UPF1: variants seen among roughly 807,000 people sequenced by gnomAD.
UPF1 encodes UPF1 RNA helicase and ATPase, also known as regulator of nonsense transcripts 1.
In UPF1, 9 loss-of-function variants were observed where a neutral mutation model predicts 129.2. The observed-to-expected ratio is 0.07, with a 90% confidence interval of 0.04 to 0.12. UPF1 has a LOEUF of 0.12. UPF1 is among the 10% of genes least tolerant of loss of function. The pLI is 1.00. For synonymous variants in UPF1, 649 were observed against 644.9 expected (o/e 1.01, Z -0.10); for missense variants, 788 against 1,525.3 (o/e 0.52, Z 8.05).
Position 18,832,389 on chromosome 19 carries a change from AGGCCCGGGC to A in UPF1, c.184_192del (p.Pro62_Gly64del). The A allele has an allele frequency of 9.3e-7, 1 of 1,081,004 alleles. No homozygotes were observed. Among genetic ancestry groups the A allele is most frequent in the Non-Finnish European group, 1.1e-6 (1 of 890,428 alleles). The allele number at this position is 1,081,004 out of a possible 1,614,324, so 67.0% of individuals were successfully genotyped here. A position where few individuals can be genotyped will look rare whatever the true frequency, so the allele number is the denominator to read the frequency against. ...GCGGCCCGGGCGGTGGCGGCGCGGG[AGGCCCGGGC>A]GGCGCGGGCGCGGGCGCTGCGGCGG... On this transcript the variant is annotated inframe_deletion, in exon 1 of 24. Transcript: ENST00000262803. The surrounding 1 kb of genome is among the most constrained non-coding windows in gnomAD (Gnocchi z 5.6).
Position 18,860,309 on chromosome 19 carries a change from C to G in UPF1, c.2183-12C>G, listed in dbSNP as rs760966602. On this transcript the variant is annotated splice_polypyrimidine_tract_variant and intron_variant, in intron 15 of 23. Coordinates refer to ENST00000262803, the MANE Select transcript of UPF1 (RefSeq NM_002911.4). ...GGCTTTTGAAGTGTTACTTCTTTCC[C>G]TCCCCTCACAGCGGATCGTGTGAAG... is the stretch of plus-strand genomic sequence containing the variant. 1.9e-6 allele frequency: 3 copies of G among 1,613,430 alleles called. No homozygotes were observed. Among genetic ancestry groups the G allele is most frequent in the Non-Finnish European group, 2.5e-6 (3 of 1,179,564 alleles).
Position 18,865,480 on chromosome 19 carries a change from G to GC in UPF1, c.3019+33dup. On this transcript the variant is annotated intron_variant, in intron 21 of 23. Transcript: ENST00000262803. This position sits in a 1 kb window ranked among gnomAD's most constrained non-coding sequence, Gnocchi z 6.1. Reference sequence around the variant, plus strand: ...GCATCTGTGGCTGCGGCTGGGTGTGGCCCTCCTGAGAGCTCTTGAGGGTGT... The same window carrying GC: ...GCATCTGTGGCTGCGGCTGGGTGTGGCCCCTCCTGAGAGCTCTTGAGGGTGT... The GC allele has an allele frequency of 1.2e-6, 2 of 1,611,658 alleles. No homozygotes were observed.
intron 1 of UPF1, among the ~76,000 whole-genome samples, chr19:18,836,749 ATT>A (rs755282469): frequency 2.0e-4 from 26 of 129,446 alleles, no homozygotes; most frequent in Admixed American, 4.7e-4. Context: ...CTATCCACCC[ATT>A]TTTTTTTTTT....
rs920199702 is a variant in UPF1 at position 18,855,914 on chromosome 19, T to C, written c.1545-11T>C. The C allele has an allele frequency of 1.2e-6, 2 of 1,613,240 alleles. No homozygotes were observed. Among genetic ancestry groups the C allele is most frequent in the Non-Finnish European group, 1.7e-6 (2 of 1,179,858 alleles). On this transcript the variant is annotated splice_polypyrimidine_tract_variant and intron_variant, in intron 11 of 23. Coordinates refer to ENST00000262803, the MANE Select transcript of UPF1 (RefSeq NM_002911.4). Reference sequence around the variant, plus strand: ...CTGGGTAAGCACTGAGCTGCCCCAATGGTGTTGCAGGCCGGTGCTGGTGTG... The same window carrying C: ...CTGGGTAAGCACTGAGCTGCCCCAACGGTGTTGCAGGCCGGTGCTGGTGTG...
At chr19:18,864,986 C>T (rs1004988199) in intron 20 of UPF1, among the ~76,000 whole-genome samples, 3 of 152,164 alleles carry the variant, frequency 2.0e-5, no homozygotes, top group Non-Finnish European at 2.9e-5. Context: ...TGGTCCACCT[C>T]GGCTTCCCAG....
At position 18,866,083 on chromosome 19, in the gene UPF1, G is replaced by C; in HGVS notation, c.3277G>C (p.Val1093Leu). 1 of 1,613,322 alleles carries C rather than the reference G, an allele frequency of 6.2e-7. No individual in the cohort carries two copies. The highest frequency in any genetic ancestry group is 8.5e-7 in the Non-Finnish European group (1 of 1,179,864). The part of the protein sequence containing the change: ...LGDEFKSQID[V>L]ALSQDSTYQG... ...TGACGAGTTTAAATCACAAATCGAC[G>C]TGGCGCTCTCACAGGACTCCACGTA... Residue 1093 changes from valine to leucine, a missense_variant, in exon 23 of 24, where the codon GTG (valine) becomes CTG (leucine). By Grantham distance (32) the Val-to-Leu change is conservative. This residue lies in a region of UPF1 where 218 missense variants were observed against 318.1 expected (regional missense o/e 0.69). Transcript: ENST00000262803.
chr19:18,865,188 C>G lies in UPF1; in HGVS notation c.2858-101C>G, dbSNP rs2145974487. On this transcript the variant is annotated intron_variant, in intron 20 of 23. Transcript: ENST00000262803. The surrounding 1 kb of genome is among the most constrained non-coding windows in gnomAD (Gnocchi z 6.1). The stretch of plus-strand genomic sequence containing the variant: ...ATCTTCAGCCTGGGCAGAGCCAGGA[C>G]AGATGTGCAGCTCCGGCTGACTGGC... The G allele has an allele frequency of 1.4e-6, 2 of 1,395,276 alleles. No homozygotes were observed. The highest frequency in any genetic ancestry group is 1.9e-4 in the Middle Eastern group (1 of 5,360). The allele number at this position is 1,395,276 out of a possible 1,614,324, so 86.4% of individuals were successfully genotyped here. A position where few individuals can be genotyped will look rare whatever the true frequency, so the allele number is the denominator to read the frequency against.
chr19:18,863,651 AC>A (rs2055806790), intron 19 of UPF1, 39 bp downstream of exon 19: 2 of 1,529,648 alleles, frequency 1.3e-6, no homozygotes, highest in South Asian at 2.2e-5. Context: ...GCACGGAGAA[AC>A]CCGGGCCCAA....
At chr19:18,841,648 C>T (rs888256537) in intron 1 of UPF1, among the ~76,000 whole-genome samples, 6 of 152,218 alleles carry the variant, frequency 3.9e-5, no homozygotes, top group African/African-American at 1.4e-4. Flanking sequence ...CTGGACTGAA[C>T]CCCTCATTGT....
In UPF1 at chr19:18,832,273, G is replaced by C; in HGVS notation, c.64G>C (p.Glu22Gln). 6.4e-7 allele frequency: 1 copy of C among 1,550,988 alleles called. No homozygotes were observed. Among genetic ancestry groups the C allele is most frequent in the Non-Finnish European group, 8.7e-7 (1 of 1,148,376 alleles). Residue 22 changes from glutamate (E) to glutamine (Q), a missense_variant, in exon 1 of 24, where the codon GAG becomes CAG. By Grantham distance (29) the Glu-to-Gln change is conservative. Around this residue, in one of 6 missense-constraint regions of UPF1, gnomAD observed 112 missense variants for 128.2 expected, o/e 0.87. Coordinates refer to ENST00000262803, the MANE Select transcript of UPF1 (RefSeq NM_002911.4). This position sits in a 1 kb window ranked among gnomAD's most constrained non-coding sequence, Gnocchi z 5.6. ...TLTFLDTEEA[E>Q]LLGADTQGSE... ...CACTTTCCTGGACACGGAGGAGGCC[G>C]AGCTGCTTGGCGCCGACACACAGGG...
At chr19:18,848,086 A>G (rs745700469) in intron 3 of UPF1, 1 of 433,372 alleles carries the variant, frequency 2.3e-6, no homozygotes, top group Non-Finnish European at 4.2e-6. Flanking sequence ...CCCAGTTTTT[A>G]TTTCGATTTT....
intron 15 of UPF1, among the ~76,000 whole-genome samples, chr19:18,857,832 CG>C (rs1203105230): frequency 1.3e-5 from 2 of 152,216 alleles, no homozygotes; most frequent in African/African-American, 4.8e-5. Context: ...GAGCTGAGCC[CG>C]GGCCTTAACG....
chr19:18,848,639 C>T (rs3787045), intron 3 of UPF1, among the ~76,000 whole-genome samples: 4,575 of 152,078 alleles, frequency 0.03, 87 homozygotes, highest in East Asian at 0.1. Context: ...ACACAAGCCC[C>T]TCCTGTGCCT....
chr19:18,839,268 A>G (rs1450695423), intron 1 of UPF1, among the ~76,000 whole-genome samples: 2 of 151,914 alleles, frequency 1.3e-5, no homozygotes, highest in African/African-American at 2.4e-5. Context: ...ATTTTTTTGT[A>G]TTTTTAGTAG....
At chr19:18,861,270 C>T (rs896563020) in intron 17 of UPF1, among the ~76,000 whole-genome samples, 1 of 152,338 alleles carries the variant, frequency 6.6e-6, no homozygotes, top group Non-Finnish European at 1.5e-5. Context: ...GAAACAAGTC[C>T]AAGGTGGAAC....
intron 19 of UPF1, 116 bp from the exon 20 acceptor site, chr19:18,864,054 G>C: frequency 1.1e-6 from 1 of 889,070 alleles, no homozygotes; most frequent in Non-Finnish European, 1.9e-6. Context: ...GAGAGCCCCT[G>C]GCACAGTGTC....
rs1322385082 is a variant in UPF1, at chr19:18,868,072, G to C, written c.*1555G>C. 1 of 160,140 alleles carries C rather than the reference G, an allele frequency of 6.2e-6. No individual in the cohort carries two copies. Among genetic ancestry groups the C allele is most frequent in the Non-Finnish European group, 1.4e-5 (1 of 72,676 alleles). 9.9% of individuals were successfully genotyped at this position (160,140 alleles called of 1,614,324 possible). ...CCTGCCCCATCCCGGCTGTTGGGCT[G>C]GGCCGCTTTGCCTCTGCTTCGCCCT... On this transcript the variant is annotated 3_prime_UTR_variant, in exon 24 of 24. Coordinates refer to ENST00000262803, the MANE Select transcript of UPF1 (RefSeq NM_002911.4).
intron 19 of UPF1, 143 bp downstream of exon 19, chr19:18,863,755 G>GGCCA (rs1184947442): frequency 8.3e-7 from 1 of 1,205,090 alleles, no homozygotes; most frequent in African/African-American, 1.5e-5. Context: ...GGGGAGGGTG[G>GGCCA]GCCAGCCCAC....
intron 12 of UPF1, 29 bp downstream of exon 12, chr19:18,856,118 G>T (rs535151433): frequency 6.2e-7 from 1 of 1,608,846 alleles, no homozygotes; most frequent in Admixed American, 1.7e-5. Flanking sequence ...CCTCCCAGTT[G>T]GTCCCTGAGC....
Sources: gnomAD v4.1 joint callset for allele counts (sites outside exome capture counted in the v4.1 genomes callset) on GRCh38, gnomAD v4.1.1 for gene constraint, gnomAD v4.1.1 regional missense constraint, Gnocchi (gnomAD v3.1) non-coding constraint, MANE v1.5 for transcripts, NCBI Gene and HGNC (gene_info 2026-07-23, HGNC 2026-07-21) for gene names.